SENP7: variants seen among roughly 807,000 people sequenced by gnomAD.
The protein encoded by SENP7 is sentrin-specific protease 7.
In SENP7, 64 loss-of-function variants were observed where a neutral mutation model predicts 141.2. That is an observed-to-expected ratio of 0.45 (90% CI 0.37 to 0.56). The LOEUF is 0.56. Among genes scored for constraint, SENP7 ranks in the 20% least tolerant of loss-of-function variants. The pLI is 0.00. For missense variants in SENP7, 1,025 were observed against 1,212.2 expected (o/e 0.85, Z 2.29); for synonymous variants, 382 against 426.4 (o/e 0.90, Z 1.28).
intron 3 of SENP7, among the ~76,000 whole-genome samples, chr3:101,463,253 G>A (rs901807217): frequency 6.6e-6 from 1 of 151,468 alleles, no homozygotes; most frequent in Non-Finnish European, 1.5e-5. Context: ...GAAGGCTGAG[G>A]CAGGAGGATC....
intron 4 of SENP7, among the ~76,000 whole-genome samples, chr3:101,420,477 T>C (rs935397498): frequency 2.6e-5 from 4 of 152,252 alleles, no homozygotes; most frequent in African/African-American, 9.6e-5. Flanking sequence ...ACACGTTGTC[T>C]TACAGTTAAG....
chr3:101,333,018 T>C (rs1432913092), intron 17 of SENP7, 156 bp from the exon 18 acceptor site: 4 of 649,396 alleles, frequency 6.2e-6, no homozygotes, highest in African/African-American at 3.8e-5. Flanking sequence ...TATCTCCTTA[T>C]AGTAACCCCT....
intron 6 of SENP7, among the ~76,000 whole-genome samples, chr3:101,388,344 C>T (rs2060717446): frequency 6.6e-6 from 1 of 152,190 alleles, no homozygotes; most frequent in Non-Finnish European, 1.5e-5. Flanking sequence ...CCACTAACAA[C>T]AAAAACCTAA....
At chr3:101,375,380 T>C (rs1472260151) in intron 6 of SENP7, among the ~76,000 whole-genome samples, 1 of 151,872 alleles carries the variant, frequency 6.6e-6, no homozygotes, top group Non-Finnish European at 1.5e-5. Context: ...CCGTCTCTAC[T>C]ACTAATACAA....
At chr3:101,374,587 G>A (rs2060267459) in intron 6 of SENP7, among the ~76,000 whole-genome samples, 1 of 140,032 alleles carries the variant, frequency 7.1e-6, no homozygotes, top group Admixed American at 7.9e-5. Flanking sequence ...TCATTATGGG[G>A]TTTCACCCCA....
chr3:101,393,278 C>T (rs1002100943), intron 6 of SENP7, among the ~76,000 whole-genome samples: 1 of 151,972 alleles, frequency 6.6e-6, no homozygotes, highest in African/African-American at 2.4e-5. Flanking sequence ...TTGGTCTGAG[C>T]AATGATTTTT....
chr3:101,373,409 C>T (rs1367432001), intron 6 of SENP7, among the ~76,000 whole-genome samples: 1 of 151,990 alleles, frequency 6.6e-6, no homozygotes, highest in Non-Finnish European at 1.5e-5. Flanking sequence ...AAAATTTGTC[C>T]TCCCTGAAAG....
Position 101,417,430 on chromosome 3 carries a change from C to T in SENP7, c.482+163G>A, listed in dbSNP as rs9822318. ...TGAAGTACAGAAACATCAGCTAACT[C>T]TGTAAATTAAGATAGGCAGCTTTAA... On this transcript the variant is annotated intron_variant, in intron 5 of 23. Coordinates refer to ENST00000394095, the MANE Select transcript of SENP7 (RefSeq NM_020654.5). 0.4 allele frequency among the ~76,000 whole-genome samples: 60,352 copies of T among 151,892 alleles called. 12,498 individuals are homozygous for T. Among genetic ancestry groups the T allele is most frequent in the Admixed American group, 0.54 (8,179 of 15,260 alleles).
chr3:101,355,645 G>T (rs2059721334), intron 11 of SENP7, among the ~76,000 whole-genome samples: 1 of 152,178 alleles, frequency 6.6e-6, no homozygotes, highest in Non-Finnish European at 1.5e-5. Flanking sequence ...TGGGTAACAT[G>T]ATGCCTCCAG....
intron 11 of SENP7, 22 bp downstream of exon 11, chr3:101,361,693 A>C: frequency 6.6e-7 from 1 of 1,519,032 alleles, no homozygotes; most frequent in East Asian, 2.4e-5. Flanking sequence ...AACTAAAAGA[A>C]AATTAAAGAA....
At chr3:101,476,621 T>C (rs901065206) in intron 3 of SENP7, among the ~76,000 whole-genome samples, 3 of 152,196 alleles carry the variant, frequency 2.0e-5, no homozygotes, top group African/African-American at 7.2e-5. Context: ...TACCCAGTAA[T>C]GGGATTGCTT....
intron 12 of SENP7, among the ~76,000 whole-genome samples, chr3:101,351,415 C>T (rs2059610118): frequency 6.6e-6 from 1 of 151,816 alleles, no homozygotes; most frequent in African/African-American, 2.4e-5. Flanking sequence ...TAAGAAATCA[C>T]CATGAATCCT....
chr3:101,388,885 G>T (rs1224798367), intron 6 of SENP7, among the ~76,000 whole-genome samples: 1 of 151,218 alleles, frequency 6.6e-6, no homozygotes, highest in Admixed American at 6.6e-5. Context: ...TTCAACAATA[G>T]ACTAGACCAA....
intron 6 of SENP7, among the ~76,000 whole-genome samples, chr3:101,386,293 C>G (rs1256457148): frequency 6.6e-6 from 1 of 152,126 alleles, no homozygotes; most frequent in Admixed American, 6.5e-5. Context: ...AAAAGGTAAG[C>G]AAGAAATCCC....
chr3:101,397,048 G>T (rs1356420418), intron 6 of SENP7, among the ~76,000 whole-genome samples: 1 of 152,114 alleles, frequency 6.6e-6, no homozygotes, highest in African/African-American at 2.4e-5. Context: ...TCACCATGTT[G>T]GTCAGGCTGG....
intron 1 of SENP7, among the ~76,000 whole-genome samples, chr3:101,501,550 C>G (rs922633143): frequency 6.8e-6 from 1 of 148,016 alleles, no homozygotes; most frequent in African/African-American, 2.5e-5. Context: ...ACTTTCAGTT[C>G]TACTACATAT....
At chr3:101,362,432 T>C (rs1436435505) in intron 10 of SENP7, among the ~76,000 whole-genome samples, 1 of 152,210 alleles carries the variant, frequency 6.6e-6, no homozygotes, top group Admixed American at 6.5e-5. Flanking sequence ...TAAAATTGTT[T>C]CCATTAACCA....
chr3:101,361,119 C>A (rs1035842418), intron 11 of SENP7, among the ~76,000 whole-genome samples: 1 of 151,792 alleles, frequency 6.6e-6, no homozygotes, highest in African/African-American at 2.4e-5. Flanking sequence ...GCACAAGAAT[C>A]GCTTGAATAC....
chr3:101,507,224 A>G, intron 1 of SENP7, among the ~76,000 whole-genome samples: 1 of 152,220 alleles, frequency 6.6e-6, no homozygotes, highest in East Asian at 1.9e-4. Flanking sequence ...TGAAAACCCA[A>G]ATGAAAGTTA....
Sources: allele counts gnomAD v4.1 joint callset (sites outside exome capture counted in the v4.1 genomes callset), GRCh38; gene constraint gnomAD v4.1.1; transcripts MANE v1.5; gene names NCBI Gene and HGNC (gene_info 2026-07-23, HGNC 2026-07-21).